The following NUDCD1 variants were observed in gnomAD, a reference collection of about 807,000 sequenced individuals.
The protein encoded by NUDCD1 is nudC domain-containing protein 1.
NUDCD1 carries 60 observed loss-of-function variants against 67.8 expected under a neutral mutation model. The ratio of observed to expected loss-of-function variants is 0.88; its 90% confidence interval spans 0.72 to 1.10. The LOEUF is 1.10. Ranked by LOEUF, NUDCD1 falls within the 50% of genes least tolerant of loss-of-function variation. The pLI is 0.00. For synonymous variants in NUDCD1, 244 were observed against 230.8 expected (o/e 1.06, Z -0.52); for missense variants, 643 against 695.0 (o/e 0.93, Z 0.84).
At chr8:109,299,741 T>A (rs960052283) in intron 2 of NUDCD1, among the ~76,000 whole-genome samples, 3 of 152,144 alleles carry the variant, frequency 2.0e-5, no homozygotes, top group African/African-American at 4.8e-5. Flanking sequence ...TTCCTCCCCA[T>A]ACTACCACAG....
At chr8:109,317,789 C>T (rs34979579) in intron 2 of NUDCD1, among the ~76,000 whole-genome samples, 43,240 of 152,016 alleles carry the variant, frequency 0.28, 6,636 homozygotes, top group East Asian at 0.47. Context: ...TGCATAATGC[C>T]TTCCACTTTT....
chr8:109,283,756 C>T (rs1209611790), intron 5 of NUDCD1, among the ~76,000 whole-genome samples: 2 of 152,080 alleles, frequency 1.3e-5, no homozygotes, highest in East Asian at 1.9e-4. Context: ...ACTATACCAG[C>T]CTTAACAAGA....
chr8:109,264,251 T>G (rs1426334977), intron 8 of NUDCD1, among the ~76,000 whole-genome samples: 1 of 152,190 alleles, frequency 6.6e-6, no homozygotes, highest in Admixed American at 6.5e-5. Context: ...TTTTCCAAAG[T>G]AAATGACCAA....
chr8:109,261,042 G>GA (rs1279116886), intron 8 of NUDCD1, among the ~76,000 whole-genome samples: 7 of 152,112 alleles, frequency 4.6e-5, no homozygotes, highest in Admixed American at 3.3e-4. Context: ...CCAAGGCCAA[G>GA]ACTCTAAGAT....
At chr8:109,273,495 T>A (rs750835248) in intron 7 of NUDCD1, among the ~76,000 whole-genome samples, 4 of 151,852 alleles carry the variant, frequency 2.6e-5, no homozygotes, top group Non-Finnish European at 5.9e-5. Flanking sequence ...AAGTATCACC[T>A]TCAAAAATAG....
intron 8 of NUDCD1, among the ~76,000 whole-genome samples, chr8:109,248,485 C>T (rs545893293): frequency 3.0e-4 from 46 of 152,136 alleles, no homozygotes; most frequent in Non-Finnish European, 5.6e-4. Flanking sequence ...GTAATATCTT[C>T]ACCAAGGCTA....
At chr8:109,311,432 G>GAGGAAA (rs1815245535) in intron 2 of NUDCD1, among the ~76,000 whole-genome samples, 1 of 152,030 alleles carries the variant, frequency 6.6e-6, no homozygotes, top group South Asian at 2.1e-4. Context: ...TATCTACCCA[G>GAGGAAA]AGGAAAAGAA....
In NUDCD1 at chr8:109,242,230, A is replaced by C. The variant is rs2129839725; in HGVS notation, c.*779T>G. ...ATGTACAGGATCGATAAGCTCTTGC[A>C]TATTGGAGCTTGCTCTCTTAAGATG... is the stretch of plus-strand genomic sequence containing the variant. On this transcript the variant is annotated 3_prime_UTR_variant, in exon 10 of 10. Coordinates refer to ENST00000239690, the MANE Select transcript of NUDCD1 (RefSeq NM_032869.4). The C allele has an allele frequency of 2.5e-6, 1 of 397,094 alleles. No individual in the cohort carries two copies. The highest frequency in any genetic ancestry group is 3.6e-5 in the East Asian group (1 of 28,040). 24.6% of individuals were successfully genotyped at this position (397,094 alleles called of 1,614,324 possible).
chr8:109,311,057 G>A (rs552522745), intron 2 of NUDCD1, among the ~76,000 whole-genome samples: 5 of 151,770 alleles, frequency 3.3e-5, no homozygotes, highest in South Asian at 2.1e-4. Flanking sequence ...CTTGTGATCC[G>A]CCTGCCTCAG....
At chr8:109,289,976 CTA>C in intron 4 of NUDCD1, 43 bp from the exon 5 acceptor site, 1 of 882,394 alleles carries the variant, frequency 1.1e-6, no homozygotes, top group Non-Finnish European at 1.7e-6. Context: ...CAAATAAAAA[CTA>C]TTATCAAAAT....
intron 2 of NUDCD1, chr8:109,299,037 A>G (rs1814913596): frequency 6.6e-6 from 1 of 152,308 alleles, no homozygotes; most frequent in Non-Finnish European, 1.5e-5. Context: ...CTTACCTGGA[A>G]CTGAGTCACT....
chr8:109,242,900 C>A lies in NUDCD1; in HGVS notation c.*109G>T. 5.3e-6 allele frequency: 3 copies of A among 566,702 alleles called. No individual in the cohort carries two copies. The highest frequency in any genetic ancestry group is 3.4e-5 in the South Asian group (1 of 29,390). 35.1% of individuals were successfully genotyped at this position (566,702 alleles called of 1,614,324 possible). A position where few individuals can be genotyped will look rare whatever the true frequency, so the allele number is the denominator to read the frequency against. ...TGTTATTAAAAAATAAAAAATCATA[C>A]AAGATATATTTAGCACATTAAAACT... On this transcript the variant is annotated 3_prime_UTR_variant, in exon 10 of 10. Transcript: ENST00000239690.
At chr8:109,251,357 G>C (rs1236213014) in intron 8 of NUDCD1, among the ~76,000 whole-genome samples, 1 of 151,814 alleles carries the variant, frequency 6.6e-6, no homozygotes, top group East Asian at 1.9e-4. Context: ...ATTTTTAGTA[G>C]AGACGGGGTT....
chr8:109,243,949 T>C (rs1813437725), intron 9 of NUDCD1, among the ~76,000 whole-genome samples: 1 of 152,112 alleles, frequency 6.6e-6, no homozygotes, highest in Non-Finnish European at 1.5e-5. Flanking sequence ...CTGAAAAAAA[T>C]CCTTATCTTA....
intron 5 of NUDCD1, among the ~76,000 whole-genome samples, chr8:109,285,471 G>A (rs181321113): frequency 7.1e-4 from 108 of 152,300 alleles, no homozygotes; most frequent in African/African-American, 2.4e-3. Flanking sequence ...CCATGATCAA[G>A]TAAGCTTCAT....
intron 2 of NUDCD1, among the ~76,000 whole-genome samples, chr8:109,317,342 T>C (rs920185158): frequency 2.6e-5 from 4 of 152,182 alleles, no homozygotes; most frequent in African/African-American, 9.6e-5. Flanking sequence ...ATGGTGAAAC[T>C]CTGTCTCTAT....
In NUDCD1 at chr8:109,334,013, C is replaced by G; in HGVS notation, c.-3G>C. On this transcript the variant is annotated 5_prime_UTR_variant, in exon 1 of 10. Coordinates refer to ENST00000239690, the MANE Select transcript of NUDCD1 (RefSeq NM_032869.4). The stretch of plus-strand genomic sequence containing the variant: ...GAGCAATTAGCCGCCACCTCCATCG[C>G]TTTCCAGGGCCGCAGCGTGAGAATT... 1 of 1,614,174 alleles carries G rather than the reference C, an allele frequency of 6.2e-7. No individual in the cohort carries two copies. Among genetic ancestry groups the G allele is most frequent in the Non-Finnish European group, 8.5e-7 (1 of 1,180,006 alleles).
intron 2 of NUDCD1, chr8:109,316,096 A>T (rs895582389): frequency 6.6e-6 from 1 of 152,248 alleles, no homozygotes; most frequent in East Asian, 1.9e-4. Flanking sequence ...AAATTATTAC[A>T]GAAATAATTT....
Position 109,254,222 on chromosome 8 carries a change from C to T in NUDCD1, c.1300-8741G>A, listed in dbSNP as rs566640843. Among the ~76,000 whole-genome samples the T allele has an allele frequency of 9.9e-5, 15 of 152,142 alleles. No individual in the cohort carries two copies. In the South Asian group the frequency reaches 2.5e-3, roughly 25 times the overall value. On this transcript the variant is annotated intron_variant, in intron 8 of 9. Coordinates refer to ENST00000239690, the MANE Select transcript of NUDCD1 (RefSeq NM_032869.4). ...TTTTAAATGAAGTAGGCAAAGACTC[C>T]CATTTAATTCAAATACCTTTAATGG...
Sources: gnomAD v4.1 joint callset for allele counts (sites outside exome capture counted in the v4.1 genomes callset) on GRCh38, gnomAD v4.1.1 for gene constraint, MANE v1.5 for transcripts, NCBI Gene and HGNC (gene_info 2026-07-23, HGNC 2026-07-21) for gene names.